NR3C2: variants seen among roughly 807,000 people sequenced by gnomAD.
The protein encoded by NR3C2 is nuclear receptor subfamily 3 group C member 2.
A neutral mutation model predicts 86.4 loss-of-function variants in NR3C2; 15 were observed. That is an observed-to-expected ratio of 0.17 (90% CI 0.12 to 0.27). The LOEUF (loss-of-function observed/expected upper bound fraction) is 0.27. Among genes scored for constraint, NR3C2 ranks in the 10% least tolerant of loss-of-function variants. NR3C2 has a pLI of 1.00. For synonymous variants in NR3C2, 458 were observed against 450.5 expected (o/e 1.02, Z -0.21); for missense variants, 960 against 1,195.6 (o/e 0.80, Z 2.91).
At chr4:148,391,267 C>T (rs1365014138) in intron 2 of NR3C2, among the ~76,000 whole-genome samples, 1 of 152,152 alleles carries the variant, frequency 6.6e-6, no homozygotes, top group Admixed American at 6.5e-5. Context: ...AAACGGTTTT[C>T]TGTTCTATTT....
intron 4 of NR3C2, among the ~76,000 whole-genome samples, chr4:148,175,475 T>C (rs890747765): frequency 6.6e-6 from 1 of 152,216 alleles, no homozygotes; most frequent in Non-Finnish European, 1.5e-5. Flanking sequence ...CGTCCCATCA[T>C]TCTTCCACAA....
intron 2 of NR3C2, among the ~76,000 whole-genome samples, chr4:148,269,337 G>A (rs1356730598): frequency 1.3e-5 from 2 of 152,154 alleles, no homozygotes; most frequent in Non-Finnish European, 1.5e-5. Flanking sequence ...TGTGGTCATT[G>A]TTGATACTGT....
chr4:148,242,139 A>G (rs1739084190), intron 3 of NR3C2, among the ~76,000 whole-genome samples: 1 of 152,202 alleles, frequency 6.6e-6, no homozygotes, highest in Non-Finnish European at 1.5e-5. Context: ...ATATGGTTGC[A>G]TAACAATGTG....
intron 2 of NR3C2, among the ~76,000 whole-genome samples, chr4:148,421,758 A>T (rs553813352): frequency 6.6e-6 from 1 of 152,288 alleles, no homozygotes; most frequent in African/African-American, 2.4e-5. Context: ...TTAACTTTTT[A>T]AAAAAGCATA....
At chr4:148,249,073 GGTGCCGCCTT>G (rs1739449942) in intron 3 of NR3C2, among the ~76,000 whole-genome samples, 1 of 152,054 alleles carries the variant, frequency 6.6e-6, no homozygotes, top group Admixed American at 6.6e-5. Flanking sequence ...AACCTACAAT[GGTGCCGCCTT>G]TATTATACAC....
intron 8 of NR3C2, among the ~76,000 whole-genome samples, chr4:148,084,475 C>G (rs1024891221): frequency 2.6e-5 from 4 of 152,154 alleles, no homozygotes; most frequent in Non-Finnish European, 4.4e-5. Context: ...CTGAGAGATT[C>G]TATCACCACC....
chr4:148,353,730 C>A (rs1385212328), intron 2 of NR3C2, among the ~76,000 whole-genome samples: 2 of 152,088 alleles, frequency 1.3e-5, no homozygotes, highest in African/African-American at 2.4e-5. Context: ...CACTGCTGCT[C>A]AGAACAATAG....
intron 3 of NR3C2, among the ~76,000 whole-genome samples, chr4:148,246,125 C>T (rs1279731798): frequency 6.6e-6 from 1 of 151,734 alleles, no homozygotes; most frequent in Non-Finnish European, 1.5e-5. Flanking sequence ...AACAACAAAA[C>T]AGAGGGCTCT....
chr4:148,242,641 C>T (rs1421651466), intron 3 of NR3C2, among the ~76,000 whole-genome samples: 1 of 152,200 alleles, frequency 6.6e-6, no homozygotes, highest in African/African-American at 2.4e-5. Flanking sequence ...CTTTCTTCCT[C>T]ATTCTTTTTC....
rs72658652 is a variant in NR3C2 at position 148,418,596 on chromosome 4, T to A, written c.1757+16508A>T. 4.5e-3 allele frequency among the ~76,000 whole-genome samples: 682 copies of A among 152,326 alleles called. 5 individuals carry two copies. Among genetic ancestry groups the A allele is most frequent in the African/African-American group, 0.016 (658 of 41,584 alleles). On this transcript the variant is annotated intron_variant, in intron 2 of 8. Coordinates refer to ENST00000358102, the MANE Select transcript of NR3C2 (RefSeq NM_000901.5). ...TTTCAAAATGGAATCTCTTAGGTCA[T>A]ACTCTCATATGAGTAATTATTTACC... is the stretch of plus-strand genomic sequence containing the variant.
intron 2 of NR3C2, among the ~76,000 whole-genome samples, chr4:148,401,653 G>A (rs969157104): frequency 8.6e-5 from 13 of 151,792 alleles, no homozygotes; most frequent in Non-Finnish European, 1.8e-4. Context: ...TAGTAGAGAC[G>A]GGATTTCACC....
intron 4 of NR3C2, among the ~76,000 whole-genome samples, chr4:148,194,136 G>C (rs1578997245): frequency 2.6e-5 from 4 of 152,160 alleles, no homozygotes; most frequent in African/African-American, 9.6e-5. Context: ...CTCTTCTTTA[G>C]GAACTTAGAA....
intron 2 of NR3C2, among the ~76,000 whole-genome samples, chr4:148,417,043 C>T (rs1749047661): frequency 1.3e-5 from 2 of 152,280 alleles, no homozygotes; most frequent in South Asian, 2.1e-4. Context: ...TCGCAAAGTG[C>T]TGGGATTACA....
At chr4:148,443,890 C>T (rs1228102019), upstream of NR3C2, 8 of 643,912 alleles carry the variant, frequency 1.2e-5, no homozygotes, top group East Asian at 9.5e-4. Context: ...CTTGAACTCT[C>T]AGCCGCTCCA....
intron 2 of NR3C2, among the ~76,000 whole-genome samples, chr4:148,378,307 G>A (rs1746781023): frequency 1.3e-5 from 2 of 151,932 alleles, no homozygotes; most frequent in East Asian, 3.9e-4. Flanking sequence ...CTTCTGGTAG[G>A]ACTGTCAATT....
chr4:148,195,216 G>A (rs1044326440), intron 3 of NR3C2, among the ~76,000 whole-genome samples: 9 of 152,194 alleles, frequency 5.9e-5, no homozygotes, highest in Admixed American at 5.2e-4. Flanking sequence ...TACTGCAGCT[G>A]TTTAAGCTGC....
intron 8 of NR3C2, among the ~76,000 whole-genome samples, chr4:148,088,386 A>C (rs1730911370): frequency 6.6e-6 from 1 of 152,190 alleles, no homozygotes; most frequent in Non-Finnish European, 1.5e-5. Flanking sequence ...AAGGATTATA[A>C]ATCATTCTAT....
chr4:148,194,434 A>G (rs1736347858), intron 4 of NR3C2, among the ~76,000 whole-genome samples: 1 of 152,208 alleles, frequency 6.6e-6, no homozygotes, highest in African/African-American at 2.4e-5. Flanking sequence ...GGCAATAAGA[A>G]CTATTAGCTA....
chr4:148,180,404 CT>C (rs1389161013), intron 4 of NR3C2, among the ~76,000 whole-genome samples: 1 of 146,772 alleles, frequency 6.8e-6, no homozygotes, highest in Non-Finnish European at 1.5e-5. Context: ...TTTAAAAAAT[CT>C]TTTTTCCTCC....
Sources: gnomAD v4.1 joint callset for allele counts (sites outside exome capture counted in the v4.1 genomes callset) on GRCh38, gnomAD v4.1.1 for gene constraint, MANE v1.5 for transcripts, NCBI Gene and HGNC (gene_info 2026-07-23, HGNC 2026-07-21) for gene names.